TCF4: variants seen among roughly 807,000 people sequenced by gnomAD.
TCF4 encodes the protein SL3-3 enhancer factor 2.
A neutral mutation model predicts 82.1 loss-of-function variants in TCF4; 3 were observed. The ratio of observed to expected loss-of-function variants is 0.04; its 90% CI spans 0.02 to 0.09. The LOEUF (loss-of-function observed/expected upper bound fraction) is 0.09. Among genes scored for constraint, TCF4 ranks in the 10% least tolerant of loss-of-function variants. The pLI is 1.00. For synonymous variants in TCF4, 276 were observed against 309.6 expected (o/e 0.89, Z 1.14); for missense variants, 518 against 852.7 (o/e 0.61, Z 4.89).
chr18:55,407,526 G>A (rs1157056460), intron 5 of TCF4, among the ~76,000 whole-genome samples: 3 of 151,804 alleles, frequency 2.0e-5, no homozygotes, highest in Non-Finnish European at 2.9e-5. Flanking sequence ...CCCGTCCGCT[G>A]CTAAAGCCTA....
At chr18:55,311,140 G>C (rs1303493713) in intron 8 of TCF4, among the ~76,000 whole-genome samples, 1 of 150,362 alleles carries the variant, frequency 6.7e-6, no homozygotes, top group Non-Finnish European at 1.5e-5. Context: ...ACAATGTTTT[G>C]GAAACAAAAG....
intron 3 of TCF4, among the ~76,000 whole-genome samples, chr18:55,536,790 G>T (rs190243165): frequency 3.9e-5 from 6 of 152,274 alleles, no homozygotes; most frequent in Non-Finnish European, 8.8e-5. Flanking sequence ...AACAAATTTT[G>T]TATGTATGTA....
In TCF4 at chr18:55,383,671, C is replaced by T. The variant is rs558327689; in HGVS notation, c.369+19783G>A. ...GCTTACAGGAAATGTCCCAAAGAGG[C>T]AGTCCACGTTACTACGGGGTTGGCC... is the stretch of plus-strand genomic sequence containing the variant. On this transcript the variant is annotated intron_variant, in intron 6 of 19. Coordinates refer to ENST00000354452, the MANE Select transcript of TCF4 (RefSeq NM_001083962.2). 2.6e-5 allele frequency among the ~76,000 whole-genome samples: 4 copies of T among 152,332 alleles called. No individual in the cohort carries two copies. In the East Asian group the frequency reaches 7.7e-4, roughly 29 times the overall value.
chr18:55,329,142 A>AAGG (rs2077081129), intron 8 of TCF4, among the ~76,000 whole-genome samples: 1 of 152,244 alleles, frequency 6.6e-6, no homozygotes, highest in Non-Finnish European at 1.5e-5. Flanking sequence ...ACGTACATCC[A>AAGG]TCACTGAAGT....
At chr18:55,289,890 A>C (rs955051630) in intron 8 of TCF4, among the ~76,000 whole-genome samples, 10 of 152,210 alleles carry the variant, frequency 6.6e-5, no homozygotes, top group Non-Finnish European at 1.2e-4. Context: ...ACCAAAAAAA[A>C]AAAAATGTGC....
At chr18:55,592,585 C>T (rs1479518390), upstream of TCF4, among the ~76,000 whole-genome samples, 1 of 152,134 alleles carries the variant, frequency 6.6e-6, no homozygotes, top group African/African-American at 2.4e-5. Context: ...TTGGAGGAGA[C>T]ACAAACATTC....
chr18:55,587,337 CAAAAAAAAAAAAAAAAAAAAAA>C (rs1159348981), intron 1 of TCF4: 130 of 7,148 alleles, frequency 0.018, 1 homozygote, highest in African/African-American at 0.086. Flanking sequence ...GCAGCAATAG[CAAAAAAAAAAAAAAAAAAAAAA>C]AAAAAAAAAA....
intron 5 of TCF4, among the ~76,000 whole-genome samples, chr18:55,450,576 G>C (rs1326917620): frequency 6.6e-6 from 1 of 152,150 alleles, no homozygotes; most frequent in African/African-American, 2.4e-5. Flanking sequence ...AAACTCTTAA[G>C]AGTAAGGGGA....
At chr18:55,231,672 G>C (rs561443700) in intron 17 of TCF4, 1 of 152,208 alleles carries the variant, frequency 6.6e-6, no homozygotes, top group East Asian at 1.9e-4. Context: ...GGGTTATCTA[G>C]AAGTATTCGG....
At chr18:55,239,401 T>C (rs1326517799) in intron 15 of TCF4, among the ~76,000 whole-genome samples, 1 of 152,168 alleles carries the variant, frequency 6.6e-6, no homozygotes, top group Non-Finnish European at 1.5e-5. Context: ...AAACAGATTT[T>C]GAACTCAGAA....
intron 5 of TCF4, among the ~76,000 whole-genome samples, chr18:55,405,946 T>G (rs1222512719): frequency 6.6e-6 from 1 of 152,036 alleles, no homozygotes; most frequent in African/African-American, 2.4e-5. Context: ...AAATTACAAG[T>G]TGTCAGGGTT....
At chr18:55,294,187 G>T (rs1299082539) in intron 8 of TCF4, among the ~76,000 whole-genome samples, 1 of 151,100 alleles carries the variant, frequency 6.6e-6, no homozygotes, top group Non-Finnish European at 1.5e-5. Context: ...TTGAACCCAG[G>T]AGACGGAGGT....
intron 11 of TCF4, among the ~76,000 whole-genome samples, chr18:55,263,549 C>T (rs1384698948): frequency 1.3e-5 from 2 of 151,844 alleles, no homozygotes; most frequent in African/African-American, 2.4e-5. Context: ...TGCAGTGAGC[C>T]GAGATTGAGA....
upstream of TCF4, among the ~76,000 whole-genome samples, chr18:55,591,462 T>A (rs2097685222): frequency 6.6e-6 from 1 of 152,218 alleles, no homozygotes; most frequent in South Asian, 2.1e-4. Flanking sequence ...TAAAACCCCT[T>A]CTAGCTTTTA....
intron 3 of TCF4, among the ~76,000 whole-genome samples, chr18:55,485,820 T>A (rs1367540746): frequency 6.6e-6 from 1 of 152,226 alleles, no homozygotes; most frequent in Non-Finnish European, 1.5e-5. Context: ...AGTCCCTGAC[T>A]TGATGAAGGT....
At chr18:55,287,772 C>T (rs1054027818) in intron 8 of TCF4, among the ~76,000 whole-genome samples, 3 of 152,184 alleles carry the variant, frequency 2.0e-5, no homozygotes, top group Non-Finnish European at 4.4e-5. Context: ...AAAACCCTGG[C>T]GTTCTTCATG....
At chr18:55,611,326 TCA>T (rs2097706782) in intron 2 of TCF4, among the ~76,000 whole-genome samples, 1 of 152,336 alleles carries the variant, frequency 6.6e-6, no homozygotes, top group East Asian at 1.9e-4. Context: ...AAAACTGATC[TCA>T]GAGTTGGGAT....
intron 3 of TCF4, among the ~76,000 whole-genome samples, chr18:55,542,781 A>G (rs1371559707): frequency 6.6e-6 from 1 of 152,060 alleles, no homozygotes; most frequent in Non-Finnish European, 1.5e-5. Context: ...ACAACATTTT[A>G]AGAAAGTCTA....
chr18:55,631,424 A>T lies in TCF4; in HGVS notation c.196-36T>A, dbSNP rs2097731520. 5.8e-6 allele frequency: 9 copies of T among 1,539,178 alleles called. No homozygotes were observed. In the East Asian group the frequency reaches 2.2e-4, roughly 38 times the overall value. ...GAGAAAAGATGGTGGACATGTTAGA[A>T]TGAAGGCAGGTAGACAAGTTAGAAG... On this transcript the variant is annotated intron_variant, in intron 1 of 20. Transcript: ENST00000398339.
Sources: gnomAD v4.1 joint callset for allele counts (sites outside exome capture counted in the v4.1 genomes callset) on GRCh38, gnomAD v4.1.1 for gene constraint, MANE v1.5 for transcripts, NCBI Gene and HGNC (gene_info 2026-07-23, HGNC 2026-07-21) for gene names.